Variants in ZFP64 observed in about 807,000 individuals in gnomAD.
The protein encoded by ZFP64 is ZFP64 zinc finger protein, also known as zinc finger protein 64.
Under a neutral mutation model 51.6 loss-of-function variants are expected in ZFP64, and 14 were observed. The ratio of observed to expected loss-of-function variants is 0.27; its 90% CI spans 0.18 to 0.42. The LOEUF (loss-of-function observed/expected upper bound fraction) is 0.42, where lower values mean the gene tolerates loss of function less well. Ranked by LOEUF, ZFP64 falls within the 10% of genes least tolerant of loss-of-function variation. The pLI is 1.00. For synonymous variants in ZFP64, 375 were observed against 361.4 expected (o/e 1.04, Z -0.43); for missense variants, 754 against 906.8 (o/e 0.83, Z 2.16).
chr20:52,109,877 A>G (rs1225821963), intron 5 of ZFP64, among the ~76,000 whole-genome samples: 1 of 152,118 alleles, frequency 6.6e-6, no homozygotes, highest in Admixed American at 6.6e-5. Context: ...TGTTTTCAGC[A>G]ACAATATCAC....
rs766680110 is a variant in ZFP64 at position 52,187,108 on chromosome 20, A to C, written c.47-37T>G. The C allele has an allele frequency of 1.9e-6, 3 of 1,580,134 alleles. No homozygotes were observed. In the East Asian group the frequency reaches 6.8e-5, roughly 36 times the overall value. The stretch of plus-strand genomic sequence containing the variant: ...AAAGGGAAAGTAACGGATTAATTCC[A>C]AACAGCTTTGAATTGTAATGCAGAC... On this transcript the variant is annotated intron_variant, in intron 1 of 5. Transcript: ENST00000216923.
At chr20:52,107,980 C>A (rs1314502284) in intron 5 of ZFP64, among the ~76,000 whole-genome samples, 1 of 152,216 alleles carries the variant, frequency 6.6e-6, no homozygotes, top group African/African-American at 2.4e-5. Flanking sequence ...AGTTCTGGCA[C>A]TTTGGGAAGC....
intron 8 of ZFP64, among the ~76,000 whole-genome samples, chr20:52,087,605 G>C (rs2078877909): frequency 6.6e-6 from 1 of 152,160 alleles, no homozygotes; most frequent in Admixed American, 6.5e-5. Context: ...GACTATATTT[G>C]GGAAAGTAGA....
chr20:52,103,835 C>A (rs1335433617), intron 5 of ZFP64, among the ~76,000 whole-genome samples: 1 of 152,212 alleles, frequency 6.6e-6, no homozygotes, highest in East Asian at 1.9e-4. Flanking sequence ...GGTAGCTCCA[C>A]TCGAGCAAGC....
At chr20:52,118,502 G>A (rs1177979796) in intron 5 of ZFP64, among the ~76,000 whole-genome samples, 2 of 152,170 alleles carry the variant, frequency 1.3e-5, no homozygotes, top group African/African-American at 4.8e-5. Context: ...TTTGTGGCAG[G>A]AGTGAAATCA....
chr20:52,163,395 T>C (rs1031178444), intron 4 of ZFP64, among the ~76,000 whole-genome samples: 4 of 152,166 alleles, frequency 2.6e-5, no homozygotes, highest in Non-Finnish European at 5.9e-5. Flanking sequence ...ACAAAAATTA[T>C]AGTACTTTAT....
At chr20:52,086,041 C>T (rs2078860514) in intron 8 of ZFP64, among the ~76,000 whole-genome samples, 3 of 152,210 alleles carry the variant, frequency 2.0e-5, no homozygotes, top group African/African-American at 7.2e-5. Context: ...ACATTTTAGT[C>T]CATCAGCTTC....
intron 2 of ZFP64, chr20:52,175,916 C>A: frequency 1.0e-6 from 1 of 985,110 alleles, no homozygotes; most frequent in Non-Finnish European, 1.2e-6. Flanking sequence ...AAATCCACCC[C>A]TTTCACTTAC....
At chr20:52,106,791 A>G (rs1978321627) in intron 5 of ZFP64, among the ~76,000 whole-genome samples, 2 of 152,212 alleles carry the variant, frequency 1.3e-5, no homozygotes, top group African/African-American at 4.8e-5. Flanking sequence ...GGATCTGTAA[A>G]GACATTTGAA....
Position 52,153,034 on chromosome 20 carries a change from C to T in ZFP64, c.1158G>A (p.Leu386=). The stretch of plus-strand genomic sequence containing the variant: ...CATGGAACTTCTTCATGTGCTTGCT[C>T]AGGTTGCTGGGCTGTTTGGTGTCGA... The part of the protein sequence containing the change: ...CSFDTKQPSN[L]SKHMKKFHGD... The change falls in exon 6 of 6, where the codon CTG becomes CTA. Residue 386 remains leucine, a synonymous_variant. Transcript: ENST00000216923. The surrounding 1 kb of genome is among the most constrained non-coding windows in gnomAD (Gnocchi z 5.1). The T allele has an allele frequency of 3.1e-6, 5 of 1,614,110 alleles. No homozygotes were observed. The highest frequency in any genetic ancestry group is 4.2e-6 in the Non-Finnish European group (5 of 1,180,042).
intron 5 of ZFP64, among the ~76,000 whole-genome samples, chr20:52,099,287 A>G (rs577979295): frequency 1.3e-3 from 204 of 151,410 alleles, no homozygotes; most frequent in Non-Finnish European, 2.5e-3. Context: ...CATTAGATAC[A>G]GCAAAAAGCT....
At position 52,153,588 on chromosome 20, in the gene ZFP64, G is replaced by A. The variant is rs1981064458; in HGVS notation, c.764-160C>T. Among the ~76,000 whole-genome samples, 1 of 152,194 alleles carries A rather than the reference G, an allele frequency of 6.6e-6. No homozygotes were observed. Among genetic ancestry groups the A allele is most frequent in the South Asian group, 2.1e-4 (1 of 4,820 alleles). On this transcript the variant is annotated intron_variant, in intron 5 of 5. Transcript: ENST00000216923. This position sits in a 1 kb window ranked among gnomAD's most constrained non-coding sequence, Gnocchi z 5.1. ...CTGGCAGTGGGGGAAGAGGGGCAGG[G>A]CGTCTTTATCTTTCCCCGGAACCCA...
intron 2 of ZFP64, among the ~76,000 whole-genome samples, chr20:52,186,442 G>A (rs1034372499): frequency 6.6e-6 from 1 of 151,476 alleles, no homozygotes; most frequent in African/African-American, 2.4e-5. Flanking sequence ...ACAACAACAT[G>A]CTTTTTGGCC....
chr20:52,140,793 G>A (rs1055227021), intron 5 of ZFP64, among the ~76,000 whole-genome samples: 12 of 152,086 alleles, frequency 7.9e-5, no homozygotes, highest in Admixed American at 2.6e-4. Flanking sequence ...AGATAAAACC[G>A]TCTCCTACTG....
rs767638637 is a variant in ZFP64, at chr20:52,152,209, G to A, written c.1983C>T (p.Tyr661=). Reference sequence around the variant, plus strand: ...GATGGGCTGCCCCTTGAATGATGGAGTAGGTCTGCTTGGGTAGTTCTTGCT... The same window carrying A: ...GATGGGCTGCCCCTTGAATGATGGAATAGGTCTGCTTGGGTAGTTCTTGCT... The part of the protein sequence containing the change: ...SSQQELPKQT[Y]SIIQGAAHPA... The change falls in exon 6 of 6, where the codon TAC becomes TAT. Residue 661 remains tyrosine (Y), a synonymous_variant. Coordinates refer to ENST00000216923, the MANE Select transcript of ZFP64 (RefSeq NM_018197.3). 62 of 1,614,064 alleles carry A rather than the reference G, an allele frequency of 3.8e-5. No individual in the cohort carries two copies. The highest frequency in any genetic ancestry group is 5.2e-5 in the Non-Finnish European group (61 of 1,180,046).
At position 52,191,202 on chromosome 20, in the gene ZFP64, C is replaced by T. The variant is rs1281455057; in HGVS notation, c.46+389G>A. Among the ~76,000 whole-genome samples, 1 of 152,180 alleles carries T rather than the reference C, an allele frequency of 6.6e-6. No homozygotes were observed. Among genetic ancestry groups the T allele is most frequent in the African/African-American group, 2.4e-5 (1 of 41,446 alleles). On this transcript the variant is annotated intron_variant, in intron 1 of 5. Coordinates refer to ENST00000216923, the MANE Select transcript of ZFP64 (RefSeq NM_018197.3). The surrounding 1 kb of genome is among the most constrained non-coding windows in gnomAD (Gnocchi z 4.3). ...AGGCTCTAATTTTGAGCCACTGAGG[C>T]AGAAGTTTTCCCATCAGTGTTGCCC... is the stretch of plus-strand genomic sequence containing the variant.
In ZFP64 at chr20:52,110,893, G is replaced by A. The variant is rs796546170; in HGVS notation, c.764-12306C>T. On this transcript the variant is annotated intron_variant, in intron 5 of 8. Transcript: ENST00000361387. ...CACCAAGAGATCATCGCTGGAAGCC[G>A]AGTTTTCAGCAAGACGCCTGAACTC... is the stretch of plus-strand genomic sequence containing the variant. 1.9e-5 allele frequency: 30 copies of A among 1,610,022 alleles called. No homozygotes were observed. In the African/African-American group the frequency reaches 3.1e-4, roughly 16 times the overall value.
chr20:52,116,562 A>G lies in ZFP64; in HGVS notation c.764-17975T>C, dbSNP rs190315147. Among the ~76,000 whole-genome samples, 276 of 152,194 alleles carry G rather than the reference A, an allele frequency of 1.8e-3. 1 individual carries two copies. Among genetic ancestry groups the G allele is most frequent in the African/African-American group, 6.5e-3 (269 of 41,564 alleles). ...TACAATAGAATTCTATTAAACTATAAAAAATAATGCATTTCTATGTACATT... is the reference window on the plus strand; with the variant it reads ...TACAATAGAATTCTATTAAACTATAGAAAATAATGCATTTCTATGTACATT... On this transcript the variant is annotated intron_variant, in intron 5 of 8. Coordinates refer to the ZFP64 transcript ENST00000361387.
intron 5 of ZFP64, chr20:52,110,654 C>T: frequency 2.3e-6 from 3 of 1,321,246 alleles, no homozygotes; most frequent in South Asian, 2.8e-5. Context: ...ATGCAGCTGG[C>T]CACCAGGCCA....
Sources: gnomAD v4.1 joint callset for allele counts (sites outside exome capture counted in the v4.1 genomes callset) on GRCh38, gnomAD v4.1.1 for gene constraint, Gnocchi (gnomAD v3.1) non-coding constraint, MANE v1.5 for transcripts, NCBI Gene and HGNC (gene_info 2026-07-23, HGNC 2026-07-21) for gene names.